PTPN13: variants seen among roughly 807,000 people sequenced by gnomAD.
The protein encoded by PTPN13 is tyrosine-protein phosphatase non-receptor type 13.
A neutral mutation model predicts 284.0 loss-of-function variants in PTPN13; 191 were observed. That is an observed-to-expected ratio of 0.67 (90% CI 0.60 to 0.76). PTPN13 has a LOEUF of 0.76. Ranked by LOEUF, PTPN13 falls within the 30% of genes least tolerant of loss-of-function variation. The probability of loss-of-function intolerance (pLI) is 0.00; values close to 1 mark genes in which losing one functional copy is unlikely to be tolerated. For missense variants in PTPN13, 2,797 were observed against 2,939.9 expected, an observed-to-expected ratio of 0.95 and a Z score of 1.12; for synonymous variants, 986 against 1,022.3, an observed-to-expected ratio of 0.96 and a Z score of 0.68.
chr4:86,730,568 G>A (rs771421234), intron 10 of PTPN13, among the ~76,000 whole-genome samples: 1 of 149,892 alleles, frequency 6.7e-6, no homozygotes, highest in Non-Finnish European at 1.5e-5. Flanking sequence ...TCAGATTGCT[G>A]CGCTAGCAGT....
intron 40 of PTPN13, among the ~76,000 whole-genome samples, chr4:86,794,177 C>T (rs755514561): frequency 2.0e-4 from 30 of 152,116 alleles, no homozygotes; most frequent in Non-Finnish European, 3.8e-4. Flanking sequence ...CCAAAATCTC[C>T]TTAAGCTGAT....
intron 1 of PTPN13, among the ~76,000 whole-genome samples, chr4:86,633,002 C>T (rs1050886381): frequency 6.6e-6 from 1 of 151,930 alleles, no homozygotes; most frequent in African/African-American, 2.4e-5. Context: ...ATGAGGGTCT[C>T]CCCATGTTGT....
At chr4:86,735,858 A>G (rs1423067344) in intron 15 of PTPN13, 112 bp downstream of exon 15, 1 of 897,960 alleles carries the variant, frequency 1.1e-6, no homozygotes, top group East Asian at 2.7e-5. Context: ...ACTGTGCATA[A>G]TCTCATCTCA....
At chr4:86,755,132 T>A (rs1193202199) in intron 20 of PTPN13, among the ~76,000 whole-genome samples, 1 of 152,200 alleles carries the variant, frequency 6.6e-6, no homozygotes, top group East Asian at 1.9e-4. Flanking sequence ...ATGAAAATTA[T>A]AAATGGACAT....
chr4:86,760,084 A>C (rs899299029), intron 23 of PTPN13, among the ~76,000 whole-genome samples: 4 of 152,172 alleles, frequency 2.6e-5, no homozygotes, highest in Non-Finnish European at 4.4e-5. Context: ...TATATAGATG[A>C]GTCATTTTGA....
At chr4:86,771,132 T>G in intron 30 of PTPN13, 39 bp from the exon 31 acceptor site, 1 of 1,516,450 alleles carries the variant, frequency 6.6e-7, no homozygotes, top group Non-Finnish European at 8.8e-7. Context: ...CTAAAATTCA[T>G]AGAATGGTCA....
intron 1 of PTPN13, among the ~76,000 whole-genome samples, chr4:86,622,655 C>T (rs893736045): frequency 2.6e-5 from 4 of 152,140 alleles, no homozygotes; most frequent in African/African-American, 9.7e-5. Flanking sequence ...AATCAGGGCT[C>T]TCTAGAAGAG....
At chr4:86,809,728 A>G in intron 45 of PTPN13, 41 bp from the exon 46 acceptor site, 12 of 1,537,038 alleles carry the variant, frequency 7.8e-6, no homozygotes, top group Non-Finnish European at 1.1e-5. Flanking sequence ...TGTGAACAAT[A>G]TAACATGTCA....
At chr4:86,652,422 T>C (rs1725194068) in intron 2 of PTPN13, among the ~76,000 whole-genome samples, 1 of 152,198 alleles carries the variant, frequency 6.6e-6, no homozygotes, top group South Asian at 2.1e-4. Context: ...GACCTCTCTT[T>C]AGCATTTTTT....
chr4:86,729,475 A>G (rs1578515619), intron 10 of PTPN13, among the ~76,000 whole-genome samples: 1 of 149,620 alleles, frequency 6.7e-6, no homozygotes, highest in Admixed American at 6.7e-5. Context: ...TGTCAGGTAC[A>G]CCAATCAGAT....
In PTPN13 at chr4:86,809,815, C is replaced by T; in HGVS notation, c.7130C>T (p.Pro2377Leu). 1.2e-6 allele frequency: 2 copies of T among 1,614,018 alleles called. No individual in the cohort carries two copies. Among genetic ancestry groups the T allele is most frequent in the Non-Finnish European group, 1.7e-6 (2 of 1,179,894 alleles). Residue 2377 changes from proline to leucine, a missense_variant, in exon 46 of 48, where the codon CCA (proline) becomes CTA (leucine). Physicochemically the swap from Pro to Leu is moderately conservative, Grantham distance 98 (BLOSUM62 -3). Transcript: ENST00000411767. Reference sequence around the variant, plus strand: ...TCTCATCTGAATTTCACTGCCTGGCCAGACCATGATACACCTTCTCAACCA... The same window carrying T: ...TCTCATCTGAATTTCACTGCCTGGCTAGACCATGATACACCTTCTCAACCA... ...HISHLNFTAWPDHDTPSQPDD... is the reference protein window; with the variant it reads ...HISHLNFTAWLDHDTPSQPDD...
At chr4:86,735,191 T>C (rs1175788198) in intron 14 of PTPN13, among the ~76,000 whole-genome samples, 1 of 152,196 alleles carries the variant, frequency 6.6e-6, no homozygotes, top group Non-Finnish European at 1.5e-5. Context: ...AAGGATCTCC[T>C]GCCTTCCACA....
intron 9 of PTPN13, among the ~76,000 whole-genome samples, chr4:86,718,800 T>C (rs906037120): frequency 6.6e-6 from 1 of 152,192 alleles, no homozygotes; most frequent in Admixed American, 6.6e-5. Context: ...TTGTACTTTT[T>C]AAAATAGTCT....
chr4:86,769,306 T>G (rs1233580360), intron 28 of PTPN13, among the ~76,000 whole-genome samples: 2 of 152,054 alleles, frequency 1.3e-5, no homozygotes, highest in Non-Finnish European at 2.9e-5. Context: ...GAGTTTCCCC[T>G]TTTTTTGTCT....
chr4:86,750,979 A>AT lies in PTPN13; in HGVS notation c.3069-41dup, dbSNP rs1737321854. 4 of 1,553,004 alleles carry AT rather than the reference A, an allele frequency of 2.6e-6. No homozygotes were observed. The African/African-American group carries it at 4.1e-5, about 16-fold the overall frequency. Reference sequence around the variant, plus strand: ...TATGACATTTTATTATTTTCACCATATTTTTTTACATTAACACTTCCCTCC... The same window carrying AT: ...TATGACATTTTATTATTTTCACCATATTTTTTTTACATTAACACTTCCCTCC... On this transcript the variant is annotated intron_variant, in intron 18 of 47. Transcript: ENST00000411767.
intron 40 of PTPN13, among the ~76,000 whole-genome samples, chr4:86,796,020 C>G (rs12171388): frequency 0.099 from 15,136 of 152,136 alleles, 871 homozygotes; most frequent in Non-Finnish European, 0.11. Context: ...CACATGTACC[C>G]TAGAACTTAA....
intron 2 of PTPN13, among the ~76,000 whole-genome samples, chr4:86,645,192 AAAACAAAC>A (rs569877633): frequency 6.6e-6 from 1 of 152,138 alleles, no homozygotes; most frequent in Admixed American, 6.5e-5. Context: ...CCCGTCTCCA[AAAACAAAC>A]AAACAAACAA....
In PTPN13 at chr4:86,690,873, G is replaced by A. The variant is rs974386931; in HGVS notation, c.546+1683G>A. On this transcript the variant is annotated intron_variant, in intron 5 of 47. Coordinates refer to ENST00000411767, the MANE Select transcript of PTPN13 (RefSeq NM_080683.3). ...TAGTGGATCTTTATTGTTCATTTATGTATGAAACCTGTGCTAGGGATTATA... is the reference window on the plus strand; with the variant it reads ...TAGTGGATCTTTATTGTTCATTTATATATGAAACCTGTGCTAGGGATTATA... Among the ~76,000 whole-genome samples, 8 of 151,818 alleles carry A rather than the reference G, an allele frequency of 5.3e-5. No homozygotes were observed. In the South Asian group the frequency reaches 1.7e-3, roughly 32 times the overall value.
At chr4:86,613,699 G>A (rs1720210852) in intron 1 of PTPN13, among the ~76,000 whole-genome samples, 1 of 151,122 alleles carries the variant, frequency 6.6e-6, no homozygotes, top group Admixed American at 6.6e-5. Flanking sequence ...GTTCTCAGAT[G>A]CCAGCTAAAG....
Sources: gnomAD v4.1 joint callset for allele counts (sites outside exome capture counted in the v4.1 genomes callset) on GRCh38, gnomAD v4.1.1 for gene constraint, MANE v1.5 for transcripts, NCBI Gene and HGNC (gene_info 2026-07-23, HGNC 2026-07-21) for gene names.